KLHL29: variants seen among roughly 807,000 people sequenced by gnomAD.
KLHL29 encodes kelch like family member 29.
In KLHL29, 21 loss-of-function variants were observed where a neutral mutation model predicts 80.4. That is an observed-to-expected ratio of 0.26 (90% confidence interval 0.19 to 0.38). The LOEUF (loss-of-function observed/expected upper bound fraction) is 0.38. Ranked by LOEUF, KLHL29 falls within the 10% of genes least tolerant of loss-of-function variation. The probability of loss-of-function intolerance (pLI) is 1.00; values close to 1 mark genes in which losing one functional copy is unlikely to be tolerated. For missense variants in KLHL29, 867 were observed against 1,223.9 expected (o/e 0.71, Z 4.35); for synonymous variants, 511 against 526.8 (o/e 0.97, Z 0.41).
intron 1 of KLHL29, among the ~76,000 whole-genome samples, chr2:23,430,743 G>C (rs1328192753): frequency 6.6e-6 from 1 of 152,190 alleles, no homozygotes; most frequent in Admixed American, 6.5e-5. Flanking sequence ...TGTGGTCAGT[G>C]GTCTAGGTTA....
chr2:23,639,251 C>T lies in KLHL29; in HGVS notation c.398C>T (p.Ser133Phe), dbSNP rs772743595. The T allele has an allele frequency of 6.5e-7, 1 of 1,548,512 alleles. No individual in the cohort carries two copies. The highest frequency in any genetic ancestry group is 8.7e-7 in the Non-Finnish European group (1 of 1,145,656). ...STPWDTDEPP[S>F]KQMRESDNPG... ...CCCTGGGACACTGATGAGCCACCCT[C>T]CAAACAGATGAGAGAGAGTGACAAT... Residue 133 changes from serine (S) to phenylalanine (F), a missense_variant, in exon 4 of 14, where the codon TCC (serine) becomes TTC (phenylalanine). Physicochemically the swap from Ser to Phe is radical, Grantham distance 155 (BLOSUM62 -2). This residue lies in a region of KLHL29 where 424 missense variants were observed against 456.9 expected (regional missense o/e 0.93). Coordinates refer to ENST00000486442, the MANE Select transcript of KLHL29 (RefSeq NM_052920.2).
chr2:23,466,006 C>T (rs1405774715), intron 1 of KLHL29, among the ~76,000 whole-genome samples: 1 of 152,010 alleles, frequency 6.6e-6, no homozygotes, highest in African/African-American at 2.4e-5. Context: ...TCTCAGTCCT[C>T]AGTCTGGAGT....
intron 5 of KLHL29, among the ~76,000 whole-genome samples, chr2:23,664,270 G>T (rs932569484): frequency 6.6e-6 from 1 of 152,154 alleles, no homozygotes; most frequent in Non-Finnish European, 1.5e-5. Flanking sequence ...GATGGCTCAA[G>T]GCAGCAAAGG....
At chr2:23,502,405 G>A (rs139118093) in intron 2 of KLHL29, among the ~76,000 whole-genome samples, 10 of 152,330 alleles carry the variant, frequency 6.6e-5, no homozygotes, top group East Asian at 1.9e-4. Context: ...ACTAGTGGGC[G>A]GTTCTCCCGG....
chr2:23,618,456 C>T (rs1196693727), intron 3 of KLHL29, among the ~76,000 whole-genome samples: 1 of 152,158 alleles, frequency 6.6e-6, no homozygotes, highest in East Asian at 1.9e-4. Flanking sequence ...TCGGCCTGAA[C>T]AGAACAAAAG....
intron 2 of KLHL29, among the ~76,000 whole-genome samples, chr2:23,546,018 T>C (rs1167678169): frequency 6.6e-6 from 1 of 152,140 alleles, no homozygotes; most frequent in African/African-American, 2.4e-5. Flanking sequence ...ACAGACCGGG[T>C]TGGGCTGAGC....
intron 5 of KLHL29, among the ~76,000 whole-genome samples, chr2:23,660,895 G>A (rs1670385871): frequency 6.6e-6 from 1 of 152,190 alleles, no homozygotes; most frequent in Non-Finnish European, 1.5e-5. Flanking sequence ...GCCAGGCGTG[G>A]TGGCAGGCGC....
chr2:23,696,011 C>T lies in KLHL29; in HGVS notation c.1802C>T (p.Ser601Leu), dbSNP rs1403561878. 9.7e-6 allele frequency: 15 copies of T among 1,551,578 alleles called. No homozygotes were observed. The highest frequency in any genetic ancestry group is 2.4e-5 in the East Asian group (1 of 40,928). The change falls in exon 10 of 14, where the codon TCG becomes TTG. Residue 601 changes from serine to leucine, a missense_variant. Coordinates refer to ENST00000486442, the MANE Select transcript of KLHL29 (RefSeq NM_052920.2). This position sits in a 1 kb window ranked among gnomAD's most constrained non-coding sequence, Gnocchi z 5.5. ...CAGATGGTGGGGATGACCCAGCGCT[C>T]GCTGGTGGCCGTCACCTGCTGGAAC... ...GRQMVGMTQR[S>L]LVAVTCWNPQ...
At chr2:23,621,651 A>T (rs1032461523) in intron 3 of KLHL29, among the ~76,000 whole-genome samples, 1 of 152,092 alleles carries the variant, frequency 6.6e-6, no homozygotes, top group East Asian at 1.9e-4. Flanking sequence ...GTGAATGGAG[A>T]TGCCGAGCCC....
chr2:23,682,799 G>T lies in KLHL29; in HGVS notation c.941-1600G>T, dbSNP rs896148661. ...TCACCCCACGTAGATCCTTCCTGAA[G>T]TCCCAGCCAGAGCCCCCTTCCGCAC... On this transcript the variant is annotated intron_variant, in intron 5 of 13. Transcript: ENST00000486442. The surrounding 1 kb of genome is among the most constrained non-coding windows in gnomAD (Gnocchi z 4.1). Among the ~76,000 whole-genome samples, 6 of 152,122 alleles carry T rather than the reference G, an allele frequency of 3.9e-5. No individual in the cohort carries two copies. The highest frequency in any genetic ancestry group is 1.4e-4 in the African/African-American group (6 of 41,410).
At chr2:23,431,212 C>G (rs924790894) in intron 1 of KLHL29, among the ~76,000 whole-genome samples, 1 of 152,160 alleles carries the variant, frequency 6.6e-6, no homozygotes, top group Non-Finnish European at 1.5e-5. Flanking sequence ...CCTACTCTCC[C>G]GAGGCTGGAG....
At chr2:23,477,053 A>G (rs942121865) in intron 2 of KLHL29, among the ~76,000 whole-genome samples, 7 of 152,278 alleles carry the variant, frequency 4.6e-5, no homozygotes, top group Admixed American at 4.6e-4. Flanking sequence ...GTGGAGGCCC[A>G]GCTGGCCCAG....
chr2:23,597,042 G>A (rs1177064767), intron 3 of KLHL29, among the ~76,000 whole-genome samples: 2 of 152,012 alleles, frequency 1.3e-5, no homozygotes, highest in Admixed American at 6.6e-5. Flanking sequence ...TTATATAGAG[G>A]GCTCTGCTTT....
In KLHL29 at chr2:23,638,001, C is replaced by T. The variant is rs909439710; in HGVS notation, c.286-1138C>T. ...GGGCCACCTCTACTGACACCCACAC[C>T]TGTGCATATCCCAGGTATCCTATCC... On this transcript the variant is annotated intron_variant, in intron 3 of 13. Coordinates refer to ENST00000486442, the MANE Select transcript of KLHL29 (RefSeq NM_052920.2). 1.9e-4 allele frequency among the ~76,000 whole-genome samples: 28 copies of T among 150,092 alleles called. 1 individual carries two copies. Among genetic ancestry groups the T allele is most frequent in the African/African-American group, 6.4e-4 (26 of 40,590 alleles).
At chr2:23,507,083 G>A in intron 2 of KLHL29, 1 of 442,752 alleles carries the variant, frequency 2.3e-6, no homozygotes, top group Non-Finnish European at 4.8e-6. Flanking sequence ...AAGTTTGAAG[G>A]CAGCCGCATT....
intron 7 of KLHL29, among the ~76,000 whole-genome samples, chr2:23,692,990 C>T (rs1269977012): frequency 2.6e-5 from 4 of 152,184 alleles, no homozygotes; most frequent in Non-Finnish European, 5.9e-5. Flanking sequence ...CTGAGCAGGG[C>T]TCTCCTGCTC....
chr2:23,566,985 T>C (rs1653720), intron 3 of KLHL29, among the ~76,000 whole-genome samples: 127,855 of 152,150 alleles, frequency 0.84, 54,042 homozygotes, highest in East Asian at 1. Flanking sequence ...CTGTCTGATG[T>C]GGCATGAGGT....
Position 23,480,224 on chromosome 2 carries a change from C to T in KLHL29, c.-46+4557C>T, listed in dbSNP as rs578155732. Among the ~76,000 whole-genome samples, 18 of 152,300 alleles carry T rather than the reference C, an allele frequency of 1.2e-4. No homozygotes were observed. In the East Asian group the frequency reaches 1.4e-3, roughly 11 times the overall value. The stretch of plus-strand genomic sequence containing the variant: ...CAGATGGCCCGGCCGTGGTGGCTCA[C>T]GCCTGTAATCCCAGCACTTTGGGAG... On this transcript the variant is annotated intron_variant, in intron 2 of 13. Transcript: ENST00000486442.
At chr2:23,408,263 T>TGAA (rs1220731327) in intron 1 of KLHL29, among the ~76,000 whole-genome samples, 3 of 52,678 alleles carry the variant, frequency 5.7e-5, no homozygotes, top group African/African-American at 1.9e-4. Flanking sequence ...CATTTCACGC[T>TGAA]AAAAAAAAAA....
Sources: gnomAD v4.1 joint callset for allele counts (sites outside exome capture counted in the v4.1 genomes callset) on GRCh38, gnomAD v4.1.1 for gene constraint, gnomAD v4.1.1 regional missense constraint, Gnocchi (gnomAD v3.1) non-coding constraint, MANE v1.5 for transcripts, NCBI Gene and HGNC (gene_info 2026-07-23, HGNC 2026-07-21) for gene names.